Variants in MYO1B observed in about 807,000 individuals in gnomAD.
MYO1B encodes the protein unconventional myosin-Ib.
A neutral mutation model predicts 159.7 loss-of-function variants in MYO1B; 72 were observed. The ratio of observed to expected loss-of-function variants is 0.45; its 90% confidence interval spans 0.37 to 0.55. The LOEUF (loss-of-function observed/expected upper bound fraction) is 0.55. Ranked by LOEUF, MYO1B falls within the 20% of genes least tolerant of loss-of-function variation. MYO1B has a pLI of 0.00. For synonymous variants in MYO1B, 468 were observed against 473.8 expected, an observed-to-expected ratio of 0.99 and a Z score of 0.16; for missense variants, 1,062 against 1,364.8, an observed-to-expected ratio of 0.78 and a Z score of 3.50.
intron 1 of MYO1B, among the ~76,000 whole-genome samples, chr2:191,261,623 T>G (rs992004140): frequency 6.6e-6 from 1 of 152,178 alleles, no homozygotes; most frequent in Non-Finnish European, 1.5e-5. Context: ...GGACGCCTGC[T>G]GCAAAGGTCT....
At chr2:191,248,917 G>A (rs1377840571) in intron 1 of MYO1B, among the ~76,000 whole-genome samples, 1 of 152,216 alleles carries the variant, frequency 6.6e-6, no homozygotes, top group East Asian at 1.9e-4. Context: ...TGTGAGATAG[G>A]TTTGGAAGCC....
Position 191,387,304 on chromosome 2 carries a change from C to A in MYO1B, c.1635C>A (p.Ala545=). ...ACCTGTCCCAAGCCATGTGGAAGGC[C>A]AGCCATGCCCTCATCAAGTCTTTGT... is the stretch of plus-strand genomic sequence containing the variant. ...YRDLSQAMWK[A]SHALIKSLFP... Residue 545 remains alanine (A), a synonymous_variant, in exon 17 of 31, where the codon GCC becomes GCA. Transcript: ENST00000392318. 2 of 1,614,158 alleles carry A rather than the reference C, an allele frequency of 1.2e-6. No individual in the cohort carries two copies.
At chr2:191,421,416 T>G (rs1387946263) in intron 30 of MYO1B, among the ~76,000 whole-genome samples, 1 of 152,048 alleles carries the variant, frequency 6.6e-6, no homozygotes, top group Non-Finnish European at 1.5e-5. Context: ...AAACAGTTAA[T>G]GTAGGCCAAG....
chr2:191,252,582 T>C (rs1216126010), intron 1 of MYO1B, among the ~76,000 whole-genome samples: 1 of 152,236 alleles, frequency 6.6e-6, no homozygotes, highest in East Asian at 1.9e-4. Context: ...ATTTTTGGAA[T>C]GGCAGAATGT....
chr2:191,422,812 T>A (rs10165681), intron 30 of MYO1B, among the ~76,000 whole-genome samples: 8,509 of 152,264 alleles, frequency 0.056, 801 homozygotes, highest in African/African-American at 0.19. Context: ...TTGTTGATAA[T>A]TTAATAGGAG....
At chr2:191,310,659 TCCAATA>T (rs1689946485) in intron 3 of MYO1B, among the ~76,000 whole-genome samples, 1 of 152,216 alleles carries the variant, frequency 6.6e-6, no homozygotes, top group East Asian at 1.9e-4. Flanking sequence ...AATAAAACAT[TCCAATA>T]CCAATCTGCT....
intron 13 of MYO1B, among the ~76,000 whole-genome samples, chr2:191,372,340 T>C (rs745481858): frequency 1.3e-5 from 2 of 152,216 alleles, no homozygotes; most frequent in Non-Finnish European, 2.9e-5. Context: ...GAGGTTATGA[T>C]GGGATATCTA....
At chr2:191,410,818 G>A (rs999520290) in intron 26 of MYO1B, among the ~76,000 whole-genome samples, 5 of 152,118 alleles carry the variant, frequency 3.3e-5, no homozygotes, top group African/African-American at 4.8e-5. Flanking sequence ...TGCAAGGCCC[G>A]TGCCCACTAG....
intron 3 of MYO1B, among the ~76,000 whole-genome samples, chr2:191,296,764 T>C (rs1689008104): frequency 1.3e-5 from 2 of 152,250 alleles, no homozygotes; most frequent in Admixed American, 1.3e-4. Context: ...GTGTAAATAA[T>C]TCCTTCACAG....
chr2:191,363,591 G>A, intron 9 of MYO1B, 137 bp from the exon 10 acceptor site: 2 of 1,208,084 alleles, frequency 1.7e-6, no homozygotes, highest in African/African-American at 1.5e-5. Context: ...TCGAATCACA[G>A]TTGGAAACCA....
At chr2:191,411,565 A>T (rs1697249813) in intron 27 of MYO1B, among the ~76,000 whole-genome samples, 1 of 152,224 alleles carries the variant, frequency 6.6e-6, no homozygotes, top group Non-Finnish European at 1.5e-5. Context: ...TCTTCCTGCC[A>T]TAGCAAGCAA....
chr2:191,325,061 C>G (rs1370789368), intron 3 of MYO1B, among the ~76,000 whole-genome samples: 1 of 152,196 alleles, frequency 6.6e-6, no homozygotes, highest in Non-Finnish European at 1.5e-5. Flanking sequence ...TCCTTCTCTT[C>G]CATGTCCTTG....
intron 3 of MYO1B, among the ~76,000 whole-genome samples, chr2:191,305,162 G>T (rs1452728582): frequency 6.6e-6 from 1 of 152,226 alleles, no homozygotes; most frequent in Admixed American, 6.5e-5. Context: ...TGTCTAGGGA[G>T]GTGGGAGGGG....
chr2:191,411,945 C>G (rs774094032), intron 27 of MYO1B, among the ~76,000 whole-genome samples: 10 of 152,070 alleles, frequency 6.6e-5, no homozygotes, highest in Non-Finnish European at 1.5e-4. Context: ...AATGAATGGC[C>G]AAAGAAAGAA....
At chr2:191,361,581 T>C (rs1693675009) in intron 8 of MYO1B, among the ~76,000 whole-genome samples, 1 of 150,560 alleles carries the variant, frequency 6.6e-6, no homozygotes, top group Non-Finnish European at 1.5e-5. Flanking sequence ...TACTATATTA[T>C]TATATATGTA....
chr2:191,311,537 C>T (rs1008213865), intron 3 of MYO1B, among the ~76,000 whole-genome samples: 4 of 152,204 alleles, frequency 2.6e-5, no homozygotes, highest in African/African-American at 9.7e-5. Context: ...TATTTTCACA[C>T]TCATACACCC....
intron 1 of MYO1B, among the ~76,000 whole-genome samples, chr2:191,262,143 G>C (rs912784679): frequency 6.6e-6 from 1 of 151,938 alleles, no homozygotes; most frequent in Non-Finnish European, 1.5e-5. Flanking sequence ...CCTAATTCTT[G>C]TTCCTCAACT....
chr2:191,311,766 A>G (rs1292184076), intron 3 of MYO1B, among the ~76,000 whole-genome samples: 5 of 152,252 alleles, frequency 3.3e-5, no homozygotes, highest in Admixed American at 2.0e-4. Flanking sequence ...GGCATAAATT[A>G]TAAAATGAAC....
chr2:191,409,138 C>A lies in MYO1B; in HGVS notation c.2726C>A (p.Ser909Tyr). The A allele has an allele frequency of 6.2e-7, 1 of 1,612,888 alleles. No individual in the cohort carries two copies. Among genetic ancestry groups the A allele is most frequent in the Non-Finnish European group, 8.5e-7 (1 of 1,179,620 alleles). The change falls in exon 26 of 31, where the codon TCT (serine) becomes TAT (tyrosine). Residue 909 changes from serine to tyrosine, a missense_variant. This residue lies in a region of MYO1B where 609 missense variants were observed against 744.4 expected (regional missense o/e 0.82). Transcript: ENST00000392318. ...TCAAGACCTTACTTATTCTTGGATT[C>A]TACTCACAAGGAGCTAAAAAGGATT... is the stretch of plus-strand genomic sequence containing the variant. Reference protein sequence around the residue: ...WPSRPYLFLDSTHKELKRIFH... With the variant: ...WPSRPYLFLDYTHKELKRIFH...
Sources: allele counts gnomAD v4.1 joint callset (sites outside exome capture counted in the v4.1 genomes callset), GRCh38; gene constraint gnomAD v4.1.1; regional missense constraint gnomAD v4.1.1; transcripts MANE v1.5; gene names NCBI Gene and HGNC (gene_info 2026-07-23, HGNC 2026-07-21).